COL13A1: variants seen among roughly 807,000 people sequenced by gnomAD.
The protein encoded by COL13A1 is collagen type XIII alpha 1 chain.
Under a neutral mutation model 130.9 loss-of-function variants are expected in COL13A1, and 89 were observed. The observed-to-expected ratio is 0.68, with a 90% CI of 0.57 to 0.81. COL13A1 has a LOEUF of 0.81. COL13A1 is among the 30% of genes least tolerant of loss of function. COL13A1 has a pLI of 0.00. For synonymous variants in COL13A1, 402 were observed against 341.6 expected, an observed-to-expected ratio of 1.18 and a Z score of -1.95; for missense variants, 879 against 934.6, an observed-to-expected ratio of 0.94 and a Z score of 0.78.
chr10:69,956,708 C>T (rs1244838740), intron 39 of COL13A1: 5 of 355,786 alleles, frequency 1.4e-5, no homozygotes, highest in Middle Eastern at 8.3e-4. Context: ...ACAGCAGAGA[C>T]TGTTTCTTCG....
intron 2 of COL13A1, among the ~76,000 whole-genome samples, chr10:69,825,773 C>T (rs1233012478): frequency 2.0e-5 from 3 of 152,190 alleles, no homozygotes; most frequent in African/African-American, 7.2e-5. Context: ...GACACATAAT[C>T]ATGGGCAGAA....
intron 34 of COL13A1, among the ~76,000 whole-genome samples, chr10:69,938,492 G>A (rs1589655398): frequency 6.6e-6 from 1 of 152,178 alleles, no homozygotes; most frequent in Non-Finnish European, 1.5e-5. Flanking sequence ...TGGTCCCAGA[G>A]AAGAAAGTGG....
chr10:69,925,580 A>T lies in COL13A1; in HGVS notation c.1330-224A>T, dbSNP rs1352960578. ...CAGCACAGGTGGACCCAATCTTCCC[A>T]GGTCGGCCTAGCCCAGACTTCTCAC... On this transcript the variant is annotated intron_variant, in intron 25 of 40. Transcript: ENST00000645393. Among the ~76,000 whole-genome samples, 5 of 152,212 alleles carry T rather than the reference A, an allele frequency of 3.3e-5. 1 individual carries two copies. In the South Asian group the frequency reaches 1.0e-3, roughly 31 times the overall value.
chr10:69,899,922 C>T (rs1329880247), intron 14 of COL13A1, among the ~76,000 whole-genome samples: 2 of 152,148 alleles, frequency 1.3e-5, no homozygotes, highest in Admixed American at 6.5e-5. Flanking sequence ...GCCCAAGGGC[C>T]TAGATGTTCA....
rs574548708 is a variant in COL13A1 at position 69,863,673 on chromosome 10, G to A, written c.365-4125G>A. 7.9e-5 allele frequency among the ~76,000 whole-genome samples: 12 copies of A among 152,090 alleles called. No individual in the cohort carries two copies. The South Asian group carries it at 1.0e-3, about 13-fold the overall frequency. On this transcript the variant is annotated intron_variant, in intron 2 of 40. Transcript: ENST00000645393. ...TTTAGAAGGGGCTGAGGGCCCAGCC[G>A]CCCCTTCCACCCCTGAGAACTTCAT...
intron 35 of COL13A1, 35 bp from the exon 36 acceptor site, chr10:69,944,090 G>A (rs986421757): frequency 3.8e-6 from 6 of 1,598,138 alleles, no homozygotes; most frequent in Admixed American, 1.7e-5. Flanking sequence ...CCAGAGTGTG[G>A]GGACCCTCAC....
rs186448663 is a variant in COL13A1 at position 69,889,237 on chromosome 10, C to A, written c.577-177C>A. Reference sequence around the variant, plus strand: ...GAGGGGCAGTGAGCAAATGACCTTGCCTTAGGGACTGGGTGAAGGAGTGCA... The same window carrying A: ...GAGGGGCAGTGAGCAAATGACCTTGACTTAGGGACTGGGTGAAGGAGTGCA... On this transcript the variant is annotated intron_variant, in intron 9 of 40. Coordinates refer to ENST00000645393, the MANE Select transcript of COL13A1 (RefSeq NM_001368882.1). 2.0e-5 allele frequency among the ~76,000 whole-genome samples: 3 copies of A among 152,264 alleles called. No individual in the cohort carries two copies. The East Asian group carries it at 5.8e-4, about 29-fold the overall frequency.
intron 1 of COL13A1, among the ~76,000 whole-genome samples, chr10:69,804,835 A>G (rs2132053797): frequency 7.0e-6 from 1 of 143,574 alleles, no homozygotes; most frequent in Non-Finnish European, 1.5e-5. Context: ...AAAAAAAAAA[A>G]AAAAAAAGCT....
intron 1 of COL13A1, among the ~76,000 whole-genome samples, chr10:69,813,421 A>C (rs936754038): frequency 1.3e-5 from 2 of 152,088 alleles, no homozygotes; most frequent in Non-Finnish European, 2.9e-5. Flanking sequence ...CCTGTCCCTG[A>C]CTTTTTTCCT....
Position 69,844,459 on chromosome 10 carries a change from T to C in COL13A1, c.364+22021T>C, listed in dbSNP as rs1036474155. ...GATACAGAGAGATGAGACGAGAACA[T>C]GCTTCCATCGCAAACATAAGGTGGT... On this transcript the variant is annotated intron_variant, in intron 2 of 40. Transcript: ENST00000645393. Among the ~76,000 whole-genome samples the C allele has an allele frequency of 5.3e-5, 8 of 152,196 alleles. 1 individual carries two copies. The South Asian group carries it at 1.0e-3, about 20-fold the overall frequency.
At chr10:69,865,772 C>G (rs1176873663) in intron 2 of COL13A1, among the ~76,000 whole-genome samples, 1 of 152,072 alleles carries the variant, frequency 6.6e-6, no homozygotes, top group Admixed American at 6.5e-5. Flanking sequence ...CTGACCATAA[C>G]AGGCATCCCA....
At chr10:69,831,702 G>A (rs542649177) in intron 2 of COL13A1, among the ~76,000 whole-genome samples, 9 of 152,252 alleles carry the variant, frequency 5.9e-5, no homozygotes, top group Admixed American at 3.3e-4. Context: ...GATTGTCCTG[G>A]GCACGAGCTG....
chr10:69,880,424 T>G, intron 6 of COL13A1, 79 bp from the exon 7 acceptor site: 3 of 838,382 alleles, frequency 3.6e-6, no homozygotes, highest in South Asian at 1.4e-5. Flanking sequence ...CTCCTTCCCT[T>G]TGGTTCCTCT....
At chr10:69,860,743 C>T (rs1011478673) in intron 2 of COL13A1, 2 of 259,054 alleles carry the variant, frequency 7.7e-6, no homozygotes, top group Non-Finnish European at 1.5e-5. Flanking sequence ...TTCCTGAGCC[C>T]CAGGCTGCTA....
chr10:69,816,972 T>C (rs1844717320), intron 1 of COL13A1, among the ~76,000 whole-genome samples: 1 of 152,176 alleles, frequency 6.6e-6, no homozygotes, highest in Admixed American at 6.5e-5. Flanking sequence ...ATGCTGGGAA[T>C]AACAACAGCA....
chr10:69,940,851 C>T, intron 34 of COL13A1, 137 bp from the exon 35 acceptor site: 1 of 1,179,678 alleles, frequency 8.5e-7, no homozygotes, highest in South Asian at 1.4e-5. Context: ...CTTATTTCTC[C>T]AGTTGTGTTT....
intron 2 of COL13A1, among the ~76,000 whole-genome samples, chr10:69,866,253 C>G (rs1417138279): frequency 6.6e-6 from 1 of 152,210 alleles, no homozygotes; most frequent in East Asian, 1.9e-4. Flanking sequence ...GAGCTCCAGT[C>G]TGTGTCACTG....
Position 69,923,849 on chromosome 10 carries a change from A to G in COL13A1, c.1278A>G (p.Gly426=). The G allele has an allele frequency of 1.9e-6, 3 of 1,611,970 alleles. No homozygotes were observed. Among genetic ancestry groups the G allele is most frequent in the Non-Finnish European group, 2.5e-6 (3 of 1,179,284 alleles). Residue 426 remains glycine (G), a synonymous_variant, in exon 24 of 41, where the codon GGA becomes GGG. Coordinates refer to ENST00000645393, the MANE Select transcript of COL13A1 (RefSeq NM_001368882.1). ...AGGTTGGCCCCCCAGGGCAGCCAGG[A>G]GACAAGGTACAGAGACCCCCACATC... The part of the protein sequence containing the change: ...DGQVGPPGQP[G]DKGERGAAGE...
chr10:69,905,500 C>T (rs1473896559), intron 16 of COL13A1, among the ~76,000 whole-genome samples: 1 of 152,158 alleles, frequency 6.6e-6, no homozygotes, highest in Non-Finnish European at 1.5e-5. Flanking sequence ...TGTCCATGTT[C>T]AATAGAATCA....
Sources: allele counts gnomAD v4.1 joint callset (sites outside exome capture counted in the v4.1 genomes callset), GRCh38; gene constraint gnomAD v4.1.1; transcripts MANE v1.5; gene names NCBI Gene and HGNC (gene_info 2026-07-23, HGNC 2026-07-21).